The following EBF3 variants were observed in gnomAD, a reference collection of about 807,000 sequenced individuals.
EBF3 encodes EBF transcription factor 3, also known as transcription factor COE3.
EBF3 carries 18 observed loss-of-function variants against 77.1 expected under a neutral mutation model. The observed-to-expected ratio is 0.23, with a 90% CI of 0.16 to 0.35. The LOEUF (loss-of-function observed/expected upper bound fraction) is 0.35. EBF3 is among the 10% of genes least tolerant of loss of function. EBF3 has a pLI of 1.00. For missense variants in EBF3, 558 were observed against 860.0 expected, an observed-to-expected ratio of 0.65 and a Z score of 4.39; for synonymous variants, 350 against 343.5, an observed-to-expected ratio of 1.02 and a Z score of -0.21.
At chr10:129,900,870 T>C (rs111911793) in intron 6 of EBF3, among the ~76,000 whole-genome samples, 2,359 of 152,294 alleles carry the variant, frequency 0.015, 33 homozygotes, top group Admixed American at 0.033. Flanking sequence ...ACTGAGTTCA[T>C]GAAGGTCCCA....
In EBF3 at chr10:129,841,354, T is replaced by C. The variant is rs1451640822; in HGVS notation, c.1373-322A>G. Reference sequence around the variant, plus strand: ...TCCTGGTCTGTCCCCCCACGCTCTGTGAACTTTCGGCCTCTGTAGACCTTC... The same window carrying C: ...TCCTGGTCTGTCCCCCCACGCTCTGCGAACTTTCGGCCTCTGTAGACCTTC... On this transcript the variant is annotated intron_variant, in intron 13 of 16. Transcript: ENST00000440978. This position sits in a 1 kb window ranked among gnomAD's most constrained non-coding sequence, Gnocchi z 4.6. 6.6e-6 allele frequency among the ~76,000 whole-genome samples: 1 copy of C among 152,206 alleles called. No individual in the cohort carries two copies. The highest frequency in any genetic ancestry group is 2.4e-5 in the African/African-American group (1 of 41,458).
intron 6 of EBF3, among the ~76,000 whole-genome samples, chr10:129,907,806 C>T (rs1260707004): frequency 1.3e-5 from 2 of 152,116 alleles, no homozygotes; most frequent in Non-Finnish European, 2.9e-5. Flanking sequence ...GGTAATCGTA[C>T]GTTGTCGCAT....
rs550920060 is a variant in EBF3 at position 129,836,730 on chromosome 10, A to C, written c.*1213T>G. ...CTTGGCTAATGCTCTTCCCAGTATCACAACACCAGGCCGTGATCAAAAACC... is the reference window on the plus strand; with the variant it reads ...CTTGGCTAATGCTCTTCCCAGTATCCCAACACCAGGCCGTGATCAAAAACC... On this transcript the variant is annotated 3_prime_UTR_variant, in exon 17 of 17. Transcript: ENST00000440978. The C allele has an allele frequency of 6.5e-6, 1 of 152,736 alleles. No homozygotes were observed. The highest frequency in any genetic ancestry group is 2.4e-5 in the African/African-American group (1 of 41,576). 9.5% of individuals were successfully genotyped at this position (152,736 alleles called of 1,614,324 possible).
At chr10:129,867,575 G>C (rs1021855632) in intron 9 of EBF3, among the ~76,000 whole-genome samples, 2 of 152,186 alleles carry the variant, frequency 1.3e-5, no homozygotes, top group Non-Finnish European at 2.9e-5. Flanking sequence ...GGGGGACCTC[G>C]ATGGCAGGTT....
intron 6 of EBF3, among the ~76,000 whole-genome samples, chr10:129,899,421 G>A (rs947065242): frequency 1.3e-5 from 2 of 152,268 alleles, no homozygotes; most frequent in African/African-American, 2.4e-5. Context: ...ACCATGGACT[G>A]TGCCGGAGGA....
chr10:129,897,331 G>C lies in EBF3; in HGVS notation c.555-19482C>G, dbSNP rs1232119691. ...ATGAGGCCCATGGCTGTGTGGGTGA[G>C]TTCTTGGGGGTACACCAGTGGCCCC... On this transcript the variant is annotated intron_variant, in intron 6 of 16. Coordinates refer to ENST00000440978, the MANE Select transcript of EBF3 (RefSeq NM_001375380.1). The surrounding 1 kb of genome is among the most constrained non-coding windows in gnomAD (Gnocchi z 4.6). Among the ~76,000 whole-genome samples, 1 of 152,188 alleles carries C rather than the reference G, an allele frequency of 6.6e-6. No homozygotes were observed. Among genetic ancestry groups the C allele is most frequent in the East Asian group, 1.9e-4 (1 of 5,178 alleles).
At chr10:129,855,620 C>CTAT (rs1487897225) in intron 10 of EBF3, among the ~76,000 whole-genome samples, 1 of 152,158 alleles carries the variant, frequency 6.6e-6, no homozygotes, top group Non-Finnish European at 1.5e-5. Context: ...CTATAACCCT[C>CTAT]AAGCTCCCCA....
At chr10:129,919,767 T>A (rs1335318863) in intron 6 of EBF3, among the ~76,000 whole-genome samples, 6 of 152,136 alleles carry the variant, frequency 3.9e-5, no homozygotes. Context: ...TCTCACTATA[T>A]GTAAACCAAG....
rs111625170 is a variant in EBF3, at chr10:129,879,163, C to A, written c.555-1314G>T. The stretch of plus-strand genomic sequence containing the variant: ...AAAGAACCTGGGAAGCCAGGCTCTA[C>A]CACTACCCACAGGAAAAGTGGGTGG... On this transcript the variant is annotated intron_variant, in intron 6 of 16. Transcript: ENST00000440978. This position sits in a 1 kb window ranked among gnomAD's most constrained non-coding sequence, Gnocchi z 4.7. 0.18 allele frequency among the ~76,000 whole-genome samples: 27,980 copies of A among 151,958 alleles called. 2,632 individuals carry two copies. The highest frequency in any genetic ancestry group is 0.22 in the African/African-American group (9,322 of 41,436).
chr10:129,851,349 C>T (rs1850867709), intron 10 of EBF3, among the ~76,000 whole-genome samples: 1 of 152,122 alleles, frequency 6.6e-6, no homozygotes, highest in Admixed American at 6.5e-5. Flanking sequence ...GGTCCTCCCC[C>T]CACCCTCACA....
At chr10:129,845,135 T>G (rs1387921781) in intron 11 of EBF3, among the ~76,000 whole-genome samples, 1 of 152,318 alleles carries the variant, frequency 6.6e-6, no homozygotes, top group African/African-American at 2.4e-5. Context: ...AACCCGACTT[T>G]CTGAGCTGCT....
chr10:129,938,166 C>G lies in EBF3; in HGVS notation c.554+19092G>C, dbSNP rs1857487910. 6.6e-6 allele frequency among the ~76,000 whole-genome samples: 1 copy of G among 152,098 alleles called. No homozygotes were observed. Among genetic ancestry groups the G allele is most frequent in the African/African-American group, 2.4e-5 (1 of 41,410 alleles). ...CTGAGTTTTTGTGCGAGGCTAGCCC[C>G]CCGCATGAGGCTTCATCAGTGAGCC... On this transcript the variant is annotated intron_variant, in intron 6 of 16. Coordinates refer to ENST00000440978, the MANE Select transcript of EBF3 (RefSeq NM_001375380.1). The surrounding 1 kb of genome is among the most constrained non-coding windows in gnomAD (Gnocchi z 5.1).
chr10:129,949,932 T>C (rs1858529965), intron 6 of EBF3, among the ~76,000 whole-genome samples: 1 of 151,336 alleles, frequency 6.6e-6, no homozygotes. Flanking sequence ...CTTCTGTGCT[T>C]TAACATGGCA....
Position 129,842,430 on chromosome 10 carries a change from G to C in EBF3, c.1195-137C>G, listed in dbSNP as rs1490858490. ...CCAAATCTATTTCTTAATGGGCAAA[G>C]AGCTTCCCCTAGAAAATCATTTACT... is the stretch of plus-strand genomic sequence containing the variant. On this transcript the variant is annotated intron_variant, in intron 12 of 16. Coordinates refer to ENST00000440978, the MANE Select transcript of EBF3 (RefSeq NM_001375380.1). This position sits in a 1 kb window ranked among gnomAD's most constrained non-coding sequence, Gnocchi z 4.4. The C allele has an allele frequency of 9.9e-7, 1 of 1,014,342 alleles. No homozygotes were observed. The highest frequency in any genetic ancestry group is 1.4e-6 in the Non-Finnish European group (1 of 720,284). The allele number at this position is 1,014,342 out of a possible 1,614,324, so 62.8% of individuals were successfully genotyped here.
In EBF3 at chr10:129,936,798, G is replaced by A. The variant is rs182558876; in HGVS notation, c.554+20460C>T. Among the ~76,000 whole-genome samples, 171 of 152,186 alleles carry A rather than the reference G, an allele frequency of 1.1e-3. 1 individual carries two copies. Among genetic ancestry groups the A allele is most frequent in the African/African-American group, 3.9e-3 (163 of 41,526 alleles). ...TGTGGGGGGACCCTCAGCTGTGTGG[G>A]GACCCAGGGGACTGTGGGGGCTCCA... On this transcript the variant is annotated intron_variant, in intron 6 of 16. Transcript: ENST00000440978.
Position 129,929,904 on chromosome 10 carries a change from G to GGGT in EBF3, c.554+27351_554+27353dup, listed in dbSNP as rs147974827. ...ACATCATTTCTGGGTGTGTCTGTGA[G>GGGT]GGTGTTTCCAGAGGAGCTTGGGGTG... On this transcript the variant is annotated intron_variant, in intron 6 of 16. Transcript: ENST00000440978. 2.6e-3 allele frequency among the ~76,000 whole-genome samples: 399 copies of GGGT among 152,362 alleles called. 2 individuals are homozygous for GGGT. Among genetic ancestry groups the GGGT allele is most frequent in the African/African-American group, 9.3e-3 (388 of 41,584 alleles).
intron 7 of EBF3, among the ~76,000 whole-genome samples, chr10:129,875,862 C>G (rs547518839): frequency 2.0e-5 from 3 of 152,166 alleles, no homozygotes; most frequent in Non-Finnish European, 4.4e-5. Context: ...ACCCAGGTGC[C>G]CCCCTTGTGT....
intron 6 of EBF3, among the ~76,000 whole-genome samples, chr10:129,923,181 C>A (rs1051737377): frequency 6.6e-6 from 1 of 152,222 alleles, no homozygotes; most frequent in African/African-American, 2.4e-5. Flanking sequence ...CCACAAGCCA[C>A]GTGCCTTCCA....
chr10:129,842,493 G>A lies in EBF3; in HGVS notation c.1195-200C>T, dbSNP rs1459798651. The stretch of plus-strand genomic sequence containing the variant: ...AGTGTGCAATATCTGGCTGGGCACG[G>A]TGGCTCACTCCTGTAATCCCAGCAT... On this transcript the variant is annotated intron_variant, in intron 12 of 16. Transcript: ENST00000440978. The surrounding 1 kb of genome is among the most constrained non-coding windows in gnomAD (Gnocchi z 4.4). 6.6e-6 allele frequency among the ~76,000 whole-genome samples: 1 copy of A among 152,204 alleles called. No individual in the cohort carries two copies. The highest frequency in any genetic ancestry group is 1.5e-5 in the Non-Finnish European group (1 of 68,042).
Sources: allele counts gnomAD v4.1 joint callset (sites outside exome capture counted in the v4.1 genomes callset), GRCh38; gene constraint gnomAD v4.1.1; non-coding constraint Gnocchi (gnomAD v3.1); transcripts MANE v1.5; gene names NCBI Gene and HGNC (gene_info 2026-07-23, HGNC 2026-07-21).